Variants in PRMT2 observed in about 807,000 individuals in gnomAD.
PRMT2 encodes protein arginine methyltransferase 2.
In PRMT2, 26 loss-of-function variants were observed where a neutral mutation model predicts 57.6. The ratio of observed to expected loss-of-function variants is 0.45; its 90% CI spans 0.33 to 0.63. The LOEUF (loss-of-function observed/expected upper bound fraction) is 0.63, where lower values mean the gene tolerates loss of function less well. PRMT2 is among the 20% of genes least tolerant of loss of function. The pLI, the probability that PRMT2 is intolerant of heterozygous loss-of-function variation, is 0.02. For missense variants in PRMT2, 472 were observed against 564.4 expected (o/e 0.84, Z 1.66); for synonymous variants, 219 against 220.0 (o/e 1.00, Z 0.04).
intron 11 of PRMT2, 61 bp from the exon 12 acceptor site, chr21:46,664,234 T>G: frequency 7.3e-7 from 1 of 1,370,554 alleles, no homozygotes; most frequent in Non-Finnish European, 1.0e-6. Flanking sequence ...CATTAGGAAA[T>G]GTAGTATGTT....
chr21:46,645,929 G>A (rs1285065786), intron 5 of PRMT2, among the ~76,000 whole-genome samples: 1 of 152,088 alleles, frequency 6.6e-6, no homozygotes, highest in Non-Finnish European at 1.5e-5. Context: ...GGCCAGACTG[G>A]TCTTGAACTC....
rs559957918 is a variant in PRMT2, at chr21:46,649,392, G to A, written c.490-183G>A. 1.1e-4 allele frequency: 97 copies of A among 869,354 alleles called. No homozygotes were observed. The highest frequency in any genetic ancestry group is 1.3e-4 in the Non-Finnish European group (69 of 539,182). 53.9% of individuals were successfully genotyped at this position (869,354 alleles called of 1,614,324 possible). A position where few individuals can be genotyped will look rare whatever the true frequency, so the allele number is the denominator to read the frequency against. ...GGGGGCAGTTGGGAGGGTTAGAGGC[G>A]GCTCCTTTCTGGGTGCCCCTGGAGG... is the stretch of plus-strand genomic sequence containing the variant. On this transcript the variant is annotated intron_variant, in intron 6 of 11. Transcript: ENST00000355680. The surrounding 1 kb of genome is among the most constrained non-coding windows in gnomAD (Gnocchi z 4.8).
chr21:46,663,980 G>A (rs930702845), intron 11 of PRMT2, among the ~76,000 whole-genome samples: 4 of 152,152 alleles, frequency 2.6e-5, no homozygotes, highest in African/African-American at 7.2e-5. Flanking sequence ...GGCAGCCTTC[G>A]GATCCGTGTG....
chr21:46,659,311 T>C (rs2061586387), intron 8 of PRMT2: 1 of 996,842 alleles, frequency 1.0e-6, no homozygotes, highest in African/African-American at 1.7e-5. Flanking sequence ...GTGTGCACCA[T>C]CTTAGGTGGA....
intron 7 of PRMT2, among the ~76,000 whole-genome samples, chr21:46,651,494 T>G (rs978778423): frequency 6.6e-6 from 1 of 151,600 alleles, no homozygotes; most frequent in Non-Finnish European, 1.5e-5. Context: ...AGCAGGACAT[T>G]TGGAGGAGTG....
intron 7 of PRMT2, chr21:46,655,135 C>T (rs559184534): frequency 1.9e-4 from 30 of 160,628 alleles, no homozygotes; most frequent in Non-Finnish European, 3.6e-4. Context: ...TCTATCAACA[C>T]ATTTAATGAA....
At chr21:46,661,490 C>G (rs1469078311) in intron 9 of PRMT2, 3 of 216,028 alleles carry the variant, frequency 1.4e-5, no homozygotes, top group African/African-American at 2.3e-5. Context: ...GTTTTTAGTT[C>G]GTTCTGCTGT....
intron 7 of PRMT2, chr21:46,652,857 C>CTTGCTTG (rs1315657828): frequency 1.5e-6 from 2 of 1,298,532 alleles, no homozygotes; most frequent in Non-Finnish European, 2.0e-6. Context: ...GTTACAGGAT[C>CTTGCTTG]TTGCTTGTTC....
chr21:46,657,376 C>CA (rs71187325), intron 7 of PRMT2: 70,530 of 137,142 alleles, frequency 0.51, 17,361 homozygotes, highest in South Asian at 0.64. Flanking sequence ...TTTATAATTG[C>CA]AAAAAAAAAA....
At chr21:46,652,693 C>T (rs1393661574) in intron 7 of PRMT2, 3 of 985,250 alleles carry the variant, frequency 3.0e-6, no homozygotes, top group Non-Finnish European at 3.6e-6. Context: ...AGTCAAAGAG[C>T]ATTAAAATTT....
In PRMT2 at chr21:46,664,432, AACATTC is replaced by A; in HGVS notation, c.*108_*113del. 7.1e-7 allele frequency: 1 copy of A among 1,408,674 alleles called. No homozygotes were observed. Among genetic ancestry groups the A allele is most frequent in the Non-Finnish European group, 1.0e-6 (1 of 999,310 alleles). 87.3% of individuals were successfully genotyped at this position (1,408,674 alleles called of 1,614,324 possible). A position where few individuals can be genotyped will look rare whatever the true frequency, so the allele number is the denominator to read the frequency against. ...CTGCACACTCCTGCGAAAGTCGGTGAACATTCACTCCACATTGACCCCTCCCTAGCC... is the reference window on the plus strand; with the variant it reads ...CTGCACACTCCTGCGAAAGTCGGTGAACTCCACATTGACCCCTCCCTAGCC... On this transcript the variant is annotated 3_prime_UTR_variant, in exon 12 of 12. Transcript: ENST00000355680.
At chr21:46,653,778 T>C in intron 7 of PRMT2, 1 of 1,110,846 alleles carries the variant, frequency 9.0e-7, no homozygotes. Context: ...TCATACAAAG[T>C]ACAGAGACAT....
chr21:46,643,766 C>A, intron 4 of PRMT2, 127 bp downstream of exon 4: 1 of 1,187,246 alleles, frequency 8.4e-7, no homozygotes, highest in Non-Finnish European at 1.1e-6. Flanking sequence ...CCACACAAGA[C>A]CTGTGTGTGA....
intron 3 of PRMT2, among the ~76,000 whole-genome samples, chr21:46,642,765 G>A (rs1407327035): frequency 1.3e-5 from 2 of 152,204 alleles, no homozygotes. Context: ...GCTCATGCCT[G>A]TAGTCCTAGC....
intron 7 of PRMT2, 131 bp from the exon 8 acceptor site, chr21:46,658,614 G>T: frequency 6.8e-7 from 1 of 1,474,904 alleles, no homozygotes. Context: ...TGGTACACTG[G>T]CCTAGGCAGG....
At chr21:46,639,669 T>TTA (rs558615412) in intron 3 of PRMT2, among the ~76,000 whole-genome samples, 2 of 149,324 alleles carry the variant, frequency 1.3e-5, no homozygotes, top group Non-Finnish European at 3.0e-5. Context: ...TTTTTTTTTT[T>TTA]ATCATTAGTG....
chr21:46,651,035 C>G (rs73383765), intron 7 of PRMT2, among the ~76,000 whole-genome samples: 1 of 152,176 alleles, frequency 6.6e-6, no homozygotes, highest in Non-Finnish European at 1.5e-5. Context: ...TTTTGGAGGC[C>G]CCTGGGTATG....
In PRMT2 at chr21:46,635,747, G is replaced by A. The variant is rs17305503; in HGVS notation, c.-182G>A. ...TGGCGGTGTGGACGCGGAACTCAGC[G>A]GAGAAACGCGATTGAGGTAGGTGTC... On this transcript the variant is annotated 5_prime_UTR_variant, in exon 1 of 12. Coordinates refer to ENST00000355680, the MANE Select transcript of PRMT2 (RefSeq NM_206962.4). 6.6e-6 allele frequency: 1 copy of A among 152,436 alleles called. No homozygotes were observed. The highest frequency in any genetic ancestry group is 2.4e-5 in the African/African-American group (1 of 41,474). The allele number at this position is 152,436 out of a possible 1,614,324, so 9.4% of individuals were successfully genotyped here. A position where few individuals can be genotyped will look rare whatever the true frequency, so the allele number is the denominator to read the frequency against.
At position 46,649,797 on chromosome 21, in the gene PRMT2, C is replaced by G. The variant is rs779567548; in HGVS notation, c.654+58C>G. ...GAGCTGGGGGGCTTCTGAGCACGGG[C>G]TCGGCTGGGCCAACCTCAGGATCTC... On this transcript the variant is annotated intron_variant, in intron 7 of 11. Transcript: ENST00000355680. The surrounding 1 kb of genome is among the most constrained non-coding windows in gnomAD (Gnocchi z 4.8). 2 of 1,575,742 alleles carry G rather than the reference C, an allele frequency of 1.3e-6. No individual in the cohort carries two copies. The highest frequency in any genetic ancestry group is 4.7e-5 in the East Asian group (2 of 42,836).
Sources: allele counts gnomAD v4.1 joint callset (sites outside exome capture counted in the v4.1 genomes callset), GRCh38; gene constraint gnomAD v4.1.1; non-coding constraint Gnocchi (gnomAD v3.1); transcripts MANE v1.5; gene names NCBI Gene and HGNC (gene_info 2026-07-23, HGNC 2026-07-21).